LARGE1: variants seen among roughly 807,000 people sequenced by gnomAD.
LARGE1 encodes xylosyl- and glucuronyltransferase LARGE1.
Under a neutral mutation model 87.6 loss-of-function variants are expected in LARGE1, and 43 were observed. The observed-to-expected ratio is 0.49, with a 90% CI of 0.38 to 0.63. LARGE1 has a LOEUF of 0.63. Ranked by LOEUF, LARGE1 falls within the 30% of genes least tolerant of loss-of-function variation. The probability of loss-of-function intolerance (pLI) is 0.00; values close to 1 mark genes in which losing one functional copy is unlikely to be tolerated. For synonymous variants in LARGE1, 434 were observed against 394.6 expected, an observed-to-expected ratio of 1.10 and a Z score of -1.18; for missense variants, 802 against 1,000.2, an observed-to-expected ratio of 0.80 and a Z score of 2.67.
intron 11 of LARGE1, among the ~76,000 whole-genome samples, chr22:33,200,301 C>T (rs1338954260): frequency 6.6e-6 from 1 of 152,134 alleles, no homozygotes; most frequent in Non-Finnish European, 1.5e-5. Flanking sequence ...TGAGATATTA[C>T]TTTACATCCA....
intron 11 of LARGE1, chr22:33,221,696 G>T (rs2145625344): frequency 6.6e-6 from 1 of 152,294 alleles, no homozygotes; most frequent in African/African-American, 2.4e-5. Flanking sequence ...AAAATTCTTG[G>T]AATCTTCCTT....
At chr22:33,827,747 A>G (rs1282537237) in intron 1 of LARGE1, among the ~76,000 whole-genome samples, 1 of 152,196 alleles carries the variant, frequency 6.6e-6, no homozygotes, top group Non-Finnish European at 1.5e-5. Context: ...AGCTACTTCC[A>G]CTGTCTACTT....
At chr22:33,399,586 T>C (rs1426396321) in intron 7 of LARGE1, among the ~76,000 whole-genome samples, 3 of 152,180 alleles carry the variant, frequency 2.0e-5, no homozygotes, top group Non-Finnish European at 4.4e-5. Context: ...TGCTTTTTTT[T>C]TGCCCAGGCT....
intron 1 of LARGE1, among the ~76,000 whole-genome samples, chr22:33,919,235 G>A (rs1214783526): frequency 1.3e-5 from 2 of 152,142 alleles, no homozygotes; most frequent in African/African-American, 4.8e-5. Flanking sequence ...AAGCTCACAG[G>A]TTTAATAAAT....
intron 6 of LARGE1, among the ~76,000 whole-genome samples, chr22:33,483,457 C>G (rs1463453367): frequency 6.6e-6 from 1 of 152,028 alleles, no homozygotes; most frequent in African/African-American, 2.4e-5. Context: ...TTCCCATGTC[C>G]AGAGGACTGA....
At chr22:33,286,357 T>C (rs1931535015) in intron 12 of LARGE1, among the ~76,000 whole-genome samples, 1 of 151,972 alleles carries the variant, frequency 6.6e-6, no homozygotes. Flanking sequence ...TGATTCTGGG[T>C]ATTGGGGGTG....
intron 1 of LARGE1, among the ~76,000 whole-genome samples, chr22:33,909,271 A>C (rs1362014932): frequency 6.6e-6 from 1 of 152,206 alleles, no homozygotes; most frequent in Non-Finnish European, 1.5e-5. Flanking sequence ...AGAAAAATTC[A>C]CAAGCCTCCC....
At chr22:33,174,720 G>T (rs1376972511) in intron 11 of LARGE1, among the ~76,000 whole-genome samples, 1 of 152,022 alleles carries the variant, frequency 6.6e-6, no homozygotes, top group East Asian at 1.9e-4. Flanking sequence ...ACACCTCTAC[G>T]CAAGTAAACT....
chr22:33,356,235 A>C (rs762370603), intron 9 of LARGE1, among the ~76,000 whole-genome samples: 8 of 152,248 alleles, frequency 5.3e-5, no homozygotes, highest in Non-Finnish European at 1.0e-4. Context: ...ACTGAAATCA[A>C]TAAAACTCAA....
chr22:33,829,745 C>T (rs1393538380), intron 1 of LARGE1, among the ~76,000 whole-genome samples: 1 of 152,194 alleles, frequency 6.6e-6, no homozygotes. Flanking sequence ...CACCATCTGG[C>T]TGTTCAAGGA....
At chr22:33,285,880 G>C (rs940095495) in intron 12 of LARGE1, among the ~76,000 whole-genome samples, 2 of 152,162 alleles carry the variant, frequency 1.3e-5, no homozygotes, top group African/African-American at 4.8e-5. Context: ...GATCAGGTCA[G>C]AATAAGGACA....
intron 11 of LARGE1, among the ~76,000 whole-genome samples, chr22:33,306,891 A>C (rs1214349539): frequency 6.6e-6 from 1 of 151,566 alleles, no homozygotes; most frequent in Non-Finnish European, 1.5e-5. Flanking sequence ...ATAGAGAAAA[A>C]ATACTCAAGG....
chr22:33,220,911 T>C (rs1384059896), intron 11 of LARGE1, among the ~76,000 whole-genome samples: 1 of 152,090 alleles, frequency 6.6e-6, no homozygotes, highest in East Asian at 1.9e-4. Flanking sequence ...CGGCCTTGCA[T>C]GGTTAGAGCA....
chr22:33,524,152 G>GT (rs1171658609), intron 6 of LARGE1, among the ~76,000 whole-genome samples: 1 of 151,922 alleles, frequency 6.6e-6, no homozygotes, highest in African/African-American at 2.4e-5. Flanking sequence ...TTAGCAGGGC[G>GT]TGGTGGCACA....
At chr22:33,649,238 T>C (rs889856939) in intron 3 of LARGE1, among the ~76,000 whole-genome samples, 4 of 152,192 alleles carry the variant, frequency 2.6e-5, no homozygotes, top group African/African-American at 9.7e-5. Context: ...AAGAACTTAG[T>C]CTACATCACT....
At position 33,199,787 on chromosome 22, in the gene LARGE1, T is replaced by C. The variant is rs548234630; in HGVS notation, c.1731-32955A>G. Among the ~76,000 whole-genome samples the C allele has an allele frequency of 2.6e-5, 4 of 152,290 alleles. No individual in the cohort carries two copies. In the East Asian group the frequency reaches 7.7e-4, roughly 29 times the overall value. On this transcript the variant is annotated intron_variant, in intron 11 of 11. Coordinates refer to the LARGE1 transcript ENST00000608642. Reference sequence around the variant, plus strand: ...CTTGTAGTATAATTTGAAGTCAGCATATGAATTTTTGGAGGACACATTCAG... The same window carrying C: ...CTTGTAGTATAATTTGAAGTCAGCACATGAATTTTTGGAGGACACATTCAG...
At chr22:33,546,411 G>A (rs1383459410) in intron 6 of LARGE1, among the ~76,000 whole-genome samples, 2 of 152,092 alleles carry the variant, frequency 1.3e-5, no homozygotes, top group Non-Finnish European at 1.5e-5. Flanking sequence ...CTTAGGTTAT[G>A]GGGGATGTCT....
chr22:33,353,175 A>G (rs991316001), intron 9 of LARGE1, among the ~76,000 whole-genome samples: 6 of 152,230 alleles, frequency 3.9e-5, no homozygotes, highest in Non-Finnish European at 8.8e-5. Flanking sequence ...GTTAGTACAA[A>G]GATGTGTGAT....
rs1023142963 is a variant in LARGE1 at position 33,642,569 on chromosome 22, C to T, written c.408+7798G>A. On this transcript the variant is annotated intron_variant, in intron 3 of 14. Transcript: ENST00000397394. ...TTAAATGTAAATGGGCTAAATGCCT[C>T]AGTTAAAAGACACAGACTGGCAAAT... Among the ~76,000 whole-genome samples, 14 of 151,898 alleles carry T rather than the reference C, an allele frequency of 9.2e-5. No homozygotes were observed. In the East Asian group the frequency reaches 1.9e-3, roughly 21 times the overall value.
Sources: allele counts gnomAD v4.1 joint callset (sites outside exome capture counted in the v4.1 genomes callset), GRCh38; gene constraint gnomAD v4.1.1; transcripts MANE v1.5; gene names NCBI Gene and HGNC (gene_info 2026-07-23, HGNC 2026-07-21).